Variants in RNF138 observed in about 807,000 individuals in gnomAD.
RNF138 encodes the protein E3 ubiquitin-protein ligase RNF138.
In RNF138, 12 loss-of-function variants were observed where a neutral mutation model predicts 31.0. The observed-to-expected ratio is 0.39, with a 90% CI of 0.25 to 0.63. The LOEUF (loss-of-function observed/expected upper bound fraction) is 0.63. Among genes scored for constraint, RNF138 ranks in the 20% least tolerant of loss-of-function variants. The probability of loss-of-function intolerance (pLI) is 0.52; values close to 1 mark genes in which losing one functional copy is unlikely to be tolerated. For synonymous variants in RNF138, 105 were observed against 99.5 expected (o/e 1.06, Z -0.33); for missense variants, 192 against 300.1 (o/e 0.64, Z 2.66).
chr18:32,112,639 G>A (rs747943159), intron 3 of RNF138, among the ~76,000 whole-genome samples: 7 of 152,124 alleles, frequency 4.6e-5, no homozygotes, highest in East Asian at 1.9e-4. Context: ...CTGAGATTGC[G>A]CCATTGCACT....
chr18:32,110,970 C>A (rs59577480), intron 2 of RNF138, among the ~76,000 whole-genome samples: 2 of 152,004 alleles, frequency 1.3e-5, no homozygotes, highest in Non-Finnish European at 2.9e-5. Flanking sequence ...TTAGTAGAGA[C>A]GAGATTTCAC....
intron 2 of RNF138, among the ~76,000 whole-genome samples, chr18:32,108,270 T>TA (rs1316494512): frequency 6.6e-6 from 1 of 152,152 alleles, no homozygotes; most frequent in African/African-American, 2.4e-5. Context: ...ATTCAACACC[T>TA]ATGTCAAGCA....
At position 32,129,801 on chromosome 18, in the gene RNF138, ATTTTC is replaced by A. The variant is rs2040444113; in HGVS notation, c.*619_*623del. The A allele has an allele frequency of 6.6e-6, 1 of 152,584 alleles. No homozygotes were observed. Among genetic ancestry groups the A allele is most frequent in the South Asian group, 2.1e-4 (1 of 4,828 alleles). The allele number at this position is 152,584 out of a possible 1,614,324, so 9.5% of individuals were successfully genotyped here. A position where few individuals can be genotyped will look rare whatever the true frequency, so the allele number is the denominator to read the frequency against. On this transcript the variant is annotated 3_prime_UTR_variant, in exon 8 of 8. Coordinates refer to ENST00000261593, the MANE Select transcript of RNF138 (RefSeq NM_016271.5). ...AAAAGTGAAAGCTTGTTGTAAAGAT[ATTTTC>A]TTTTTGTTATTAGAAGGAAATACAA...
chr18:32,099,803 A>T (rs1361357231), intron 2 of RNF138, among the ~76,000 whole-genome samples: 1 of 152,256 alleles, frequency 6.6e-6, no homozygotes, highest in Non-Finnish European at 1.5e-5. Context: ...CAAGCTTTAT[A>T]AAGAAAGCAT....
At chr18:32,124,929 G>C in intron 6 of RNF138, 84 bp downstream of exon 6, 3 of 724,178 alleles carry the variant, frequency 4.1e-6, no homozygotes, top group Non-Finnish European at 4.9e-6. Flanking sequence ...GCAAGAGAAA[G>C]TAGTTGATTT....
intron 3 of RNF138, among the ~76,000 whole-genome samples, chr18:32,112,913 T>A (rs1253933666): frequency 6.6e-6 from 1 of 152,238 alleles, no homozygotes; most frequent in African/African-American, 2.4e-5. Flanking sequence ...TGAGCAAAGC[T>A]GGTTGCTATT....
At chr18:32,123,853 A>G (rs2040345351) in intron 5 of RNF138, 1 of 192,850 alleles carries the variant, frequency 5.2e-6, no homozygotes, top group African/African-American at 2.4e-5. Context: ...GGGTTTCACC[A>G]TGTTGGCCAG....
intron 2 of RNF138, among the ~76,000 whole-genome samples, chr18:32,099,333 T>C (rs1244116556): frequency 1.3e-5 from 2 of 152,222 alleles, no homozygotes; most frequent in South Asian, 2.1e-4. Flanking sequence ...ATTCGTTTTA[T>C]GTCTGAAGAA....
chr18:32,092,664 T>C, intron 1 of RNF138, 36 bp from the exon 2 acceptor site: 1 of 696,670 alleles, frequency 1.4e-6, no homozygotes, highest in Non-Finnish European at 2.6e-6. Context: ...CGCTGTATCC[T>C]GATGCGATCC....
intron 2 of RNF138, among the ~76,000 whole-genome samples, chr18:32,097,853 T>C (rs529643054): frequency 6.6e-6 from 1 of 152,030 alleles, no homozygotes; most frequent in Admixed American, 6.6e-5. Flanking sequence ...AGGGTCTCAC[T>C]CTGTTGCTCG....
intron 3 of RNF138, 21 bp downstream of exon 3, chr18:32,111,940 C>A: frequency 6.5e-7 from 1 of 1,545,418 alleles, no homozygotes; most frequent in South Asian, 1.2e-5. Flanking sequence ...TGTGACATCT[C>A]TCTTCTTTGG....
At chr18:32,103,637 ATTT>A (rs1300049003) in intron 2 of RNF138, among the ~76,000 whole-genome samples, 1 of 152,148 alleles carries the variant, frequency 6.6e-6, no homozygotes, top group Non-Finnish European at 1.5e-5. Context: ...CATTAAAAAA[ATTT>A]TTTTAGACAA....
At chr18:32,099,983 G>T (rs1365797557) in intron 2 of RNF138, among the ~76,000 whole-genome samples, 1 of 152,168 alleles carries the variant, frequency 6.6e-6, no homozygotes, top group African/African-American at 2.4e-5. Context: ...GAAGTGTCTT[G>T]TTCATGGAAA....
At position 32,113,654 on chromosome 18, in the gene RNF138, TTTAG is replaced by T. The variant is rs2040169279; in HGVS notation, c.277-87_277-84del. On this transcript the variant is annotated intron_variant, in intron 3 of 7. Coordinates refer to ENST00000261593, the MANE Select transcript of RNF138 (RefSeq NM_016271.5). ...ATACAACTCCTGTTTAAATGGAGTA[TTTAG>T]TTACTTTTATTTTTTCCTCTCTTTA... 1.8e-5 allele frequency: 10 copies of T among 566,328 alleles called. No individual in the cohort carries two copies. The South Asian group carries it at 2.0e-4, about 11-fold the overall frequency. The allele number at this position is 566,328 out of a possible 1,614,324, so 35.1% of individuals were successfully genotyped here.
At chr18:32,115,428 A>C (rs1387023791) in intron 4 of RNF138, among the ~76,000 whole-genome samples, 1 of 152,122 alleles carries the variant, frequency 6.6e-6, no homozygotes, top group Admixed American at 6.5e-5. Flanking sequence ...TCTATCGCCA[A>C]AGTAATATTA....
chr18:32,130,141 A>G lies in RNF138; in HGVS notation c.*954A>G, dbSNP rs2040450364. ...GTGTATGCAGTTTGTCAGGTTATAT[A>G]TAGAATTTCTATTAAGGATTTTTTA... On this transcript the variant is annotated 3_prime_UTR_variant, in exon 8 of 8. Transcript: ENST00000261593. 6.6e-6 allele frequency: 1 copy of G among 152,444 alleles called. No individual in the cohort carries two copies. Among genetic ancestry groups the G allele is most frequent in the Non-Finnish European group, 1.5e-5 (1 of 67,906 alleles). 9.4% of individuals were successfully genotyped at this position (152,444 alleles called of 1,614,324 possible). A position where few individuals can be genotyped will look rare whatever the true frequency, so the allele number is the denominator to read the frequency against.
chr18:32,114,056 A>G, intron 4 of RNF138, 196 bp downstream of exon 4: 1 of 377,314 alleles, frequency 2.7e-6, no homozygotes, highest in Non-Finnish European at 4.7e-6. Context: ...CATCTGGGAG[A>G]TGACTTCATG....
chr18:32,092,375 T>G (rs1176424138), intron 1 of RNF138, 140 bp downstream of exon 1: 1 of 177,886 alleles, frequency 5.6e-6, no homozygotes, highest in Admixed American at 6.5e-5. Flanking sequence ...AAGGGAGGCC[T>G]TGGGCGAAGA....
intron 3 of RNF138, 64 bp downstream of exon 3, chr18:32,111,983 A>C: frequency 7.2e-7 from 1 of 1,389,946 alleles, no homozygotes; most frequent in Non-Finnish European, 9.7e-7. Flanking sequence ...TTCTTATTTG[A>C]ATTTTCTTGG....
Sources: gnomAD v4.1 joint callset for allele counts (sites outside exome capture counted in the v4.1 genomes callset) on GRCh38, gnomAD v4.1.1 for gene constraint, MANE v1.5 for transcripts, NCBI Gene and HGNC (gene_info 2026-07-23, HGNC 2026-07-21) for gene names.